The following RECK variants were observed in gnomAD, a reference collection of about 807,000 sequenced individuals.
RECK encodes reversion-inducing cysteine-rich protein with Kazal motifs.
In RECK, 69 loss-of-function variants were observed where a neutral mutation model predicts 115.1. That is an observed-to-expected ratio of 0.60 (90% CI 0.49 to 0.73). RECK has a LOEUF of 0.73. Ranked by LOEUF, RECK falls within the 30% of genes least tolerant of loss-of-function variation. The pLI is 0.00. For synonymous variants in RECK, 414 were observed against 419.7 expected, an observed-to-expected ratio of 0.99 and a Z score of 0.17; for missense variants, 1,047 against 1,203.7, an observed-to-expected ratio of 0.87 and a Z score of 1.93.
At position 36,096,695 on chromosome 9, in the gene RECK, T is replaced by C. The variant is rs529772874; in HGVS notation, c.1086-3636T>C. 3.3e-5 allele frequency among the ~76,000 whole-genome samples: 5 copies of C among 152,256 alleles called. No homozygotes were observed. The South Asian group carries it at 1.0e-3, about 32-fold the overall frequency. Reference sequence around the variant, plus strand: ...ACTGCTTCCAGATGGATCATAGAACTAAACATAAAAACTAAAAATTTAAAG... The same window carrying C: ...ACTGCTTCCAGATGGATCATAGAACCAAACATAAAAACTAAAAATTTAAAG... On this transcript the variant is annotated intron_variant, in intron 10 of 20. Transcript: ENST00000377966.
intron 2 of RECK, among the ~76,000 whole-genome samples, chr9:36,058,462 T>C (rs1298120294): frequency 1.7e-5 from 2 of 114,974 alleles, no homozygotes; most frequent in Admixed American, 1.1e-4. Context: ...TGAGAACACA[T>C]GGACACAGGA....
intron 8 of RECK, among the ~76,000 whole-genome samples, chr9:36,086,632 T>C (rs985586424): frequency 2.6e-5 from 4 of 152,082 alleles, no homozygotes; most frequent in African/African-American, 9.7e-5. Flanking sequence ...CCCGCCCACA[T>C]CTGCTGATTG....
At position 36,094,574 on chromosome 9, in the gene RECK, A is replaced by C. The variant is rs1178146936; in HGVS notation, c.1085+3231A>C. Among the ~76,000 whole-genome samples, 1 of 152,204 alleles carries C rather than the reference A, an allele frequency of 6.6e-6. No homozygotes were observed. Among genetic ancestry groups the C allele is most frequent in the East Asian group, 1.9e-4 (1 of 5,206 alleles). The stretch of plus-strand genomic sequence containing the variant: ...AAGGAGACAAATTGAAAACCACAGC[A>C]AAATGATAGAGACTTAAACCCAACT... On this transcript the variant is annotated intron_variant, in intron 10 of 20. Coordinates refer to ENST00000377966, the MANE Select transcript of RECK (RefSeq NM_021111.3). This position sits in a 1 kb window ranked among gnomAD's most constrained non-coding sequence, Gnocchi z 4.1.
chr9:36,077,548 G>A (rs1829484530), intron 6 of RECK, among the ~76,000 whole-genome samples: 3 of 152,124 alleles, frequency 2.0e-5, no homozygotes, highest in Admixed American at 1.3e-4. Flanking sequence ...CTGGAATGAA[G>A]GAACATTCTT....
At chr9:36,112,505 A>T (rs1186930516) in intron 16 of RECK, 29 bp downstream of exon 16, 1 of 1,604,600 alleles carries the variant, frequency 6.2e-7, no homozygotes, top group African/African-American at 1.3e-5. Flanking sequence ...TATTTTATTC[A>T]ACTGAAGACT....
chr9:36,060,453 A>G (rs1251983231), intron 4 of RECK, among the ~76,000 whole-genome samples: 1 of 152,082 alleles, frequency 6.6e-6, no homozygotes, highest in Non-Finnish European at 1.5e-5. Flanking sequence ...TCATTCACTC[A>G]GTCCTTAACT....
Position 36,120,660 on chromosome 9 carries a change from C to G in RECK, c.2465-3C>G. ...CGCACATAAAATGGTTTCTGTTATACAGGTGCTTGTTGCCCATTATGTGCT... is the reference window on the plus strand; with the variant it reads ...CGCACATAAAATGGTTTCTGTTATAGAGGTGCTTGTTGCCCATTATGTGCT... On this transcript the variant is annotated splice_polypyrimidine_tract_variant and splice_region_variant and intron_variant, in intron 18 of 20. Coordinates refer to ENST00000377966, the MANE Select transcript of RECK (RefSeq NM_021111.3). 6.2e-7 allele frequency: 1 copy of G among 1,609,846 alleles called. No homozygotes were observed. The highest frequency in any genetic ancestry group is 8.5e-7 in the Non-Finnish European group (1 of 1,176,292).
At position 36,100,523 on chromosome 9, in the gene RECK, T is replaced by C; in HGVS notation, c.1278T>C (p.Ser426=). 6.2e-7 allele frequency: 1 copy of C among 1,613,736 alleles called. No homozygotes were observed. The highest frequency in any genetic ancestry group is 8.5e-7 in the Non-Finnish European group (1 of 1,179,734). Residue 426 remains serine, a synonymous_variant, in exon 11 of 21, where the codon TCT becomes TCC. Coordinates refer to ENST00000377966, the MANE Select transcript of RECK (RefSeq NM_021111.3). Reference sequence around the variant, plus strand: ...AGATTAAACCTTGTCATAGTAAATCTCGGGGAAGTATTATTTGCAAGTAAG... The same window carrying C: ...AGATTAAACCTTGTCATAGTAAATCCCGGGGAAGTATTATTTGCAAGTAAG... ...SLQIKPCHSK[S]RGSIICKSDC... is the part of the protein sequence containing the mutation.
intron 12 of RECK, among the ~76,000 whole-genome samples, chr9:36,102,709 A>G (rs1476291071): frequency 6.6e-6 from 1 of 151,932 alleles, no homozygotes; most frequent in Non-Finnish European, 1.5e-5. Context: ...TAATCCCAGC[A>G]CTCTGAGAAG....
At chr9:36,096,680 G>T (rs1393718123) in intron 10 of RECK, among the ~76,000 whole-genome samples, 1 of 152,180 alleles carries the variant, frequency 6.6e-6, no homozygotes, top group Non-Finnish European at 1.5e-5. Context: ...ACTGCTTCCA[G>T]ATGGATCATA....
At chr9:36,073,198 C>T (rs1822302424) in intron 6 of RECK, among the ~76,000 whole-genome samples, 1 of 149,436 alleles carries the variant, frequency 6.7e-6, no homozygotes, top group Non-Finnish European at 1.5e-5. Context: ...TCCCTCCCTT[C>T]CACCCCTAAA....
At chr9:36,121,770 C>T (rs1302230243) in intron 20 of RECK, 82 bp downstream of exon 20, 14 of 1,439,478 alleles carry the variant, frequency 9.7e-6, no homozygotes, top group African/African-American at 5.6e-5. Flanking sequence ...AAACTAGGAC[C>T]GAGGAAGGAT....
intron 12 of RECK, among the ~76,000 whole-genome samples, 173 bp downstream of exon 12, chr9:36,102,403 G>A (rs1823597205): frequency 6.6e-6 from 1 of 152,158 alleles, no homozygotes; most frequent in Admixed American, 6.5e-5. Flanking sequence ...GGAAAGAATT[G>A]TTGTTTTAAA....
intron 10 of RECK, among the ~76,000 whole-genome samples, chr9:36,097,908 A>G (rs552469038): frequency 1.3e-5 from 2 of 152,214 alleles, no homozygotes; most frequent in African/African-American, 2.4e-5. Context: ...AGGACACTAA[A>G]TAAAATAAGC....
At position 36,117,088 on chromosome 9, in the gene RECK, C is replaced by A. The variant is rs753434880; in HGVS notation, c.2164C>A (p.Pro722Thr). The A allele has an allele frequency of 3.7e-6, 6 of 1,614,136 alleles. No individual in the cohort carries two copies. In the South Asian group the frequency reaches 6.6e-5, roughly 18 times the overall value. The change falls in exon 17 of 21, where the codon CCT (proline) becomes ACT (threonine). Residue 722 changes from proline (P) to threonine (T), a missense_variant. By Grantham distance (38) the Pro-to-Thr change is conservative. Coordinates refer to ENST00000377966, the MANE Select transcript of RECK (RefSeq NM_021111.3). ...GCTCGCGTGTGACCAGGTCCAAGATCCTGTTTGTGACACAGACCACATGGA... is the reference window on the plus strand; with the variant it reads ...GCTCGCGTGTGACCAGGTCCAAGATACTGTTTGTGACACAGACCACATGGA... The part of the protein sequence containing the change: ...RQLACDQVQD[P>T]VCDTDHMEHN...
intron 16 of RECK, 108 bp downstream of exon 16, chr9:36,112,584 G>C (rs1169635695): frequency 8.5e-7 from 1 of 1,182,318 alleles, no homozygotes; most frequent in Non-Finnish European, 1.2e-6. Context: ...AATCGCTGCT[G>C]CCCTGAAGAG....
rs138437525 is a variant in RECK, at chr9:36,119,989, C to T, written c.2465-674C>T. The stretch of plus-strand genomic sequence containing the variant: ...GTGGCTCACGCCTGTAATCCCAGCA[C>T]TTTGGGAGGCCGAGGCAGGCGGATC... On this transcript the variant is annotated intron_variant, in intron 18 of 20. Coordinates refer to ENST00000377966, the MANE Select transcript of RECK (RefSeq NM_021111.3). 9.2e-3 allele frequency among the ~76,000 whole-genome samples: 1,407 copies of T among 152,274 alleles called. 13 individuals are homozygous for T. The highest frequency in any genetic ancestry group is 0.032 in the African/African-American group (1,340 of 41,556).
At chr9:36,038,816 A>C (rs1449194970) in intron 1 of RECK, among the ~76,000 whole-genome samples, 8 of 151,976 alleles carry the variant, frequency 5.3e-5, no homozygotes, top group African/African-American at 9.7e-5. Flanking sequence ...CAAACAACAA[A>C]AAAAAAAACA....
chr9:36,112,457 C>T lies in RECK; in HGVS notation c.2041C>T (p.Pro681Ser), dbSNP rs927929324. 1 of 1,613,976 alleles carries T rather than the reference C, an allele frequency of 6.2e-7. No individual in the cohort carries two copies. Among genetic ancestry groups the T allele is most frequent in the Admixed American group, 1.7e-5 (1 of 60,018 alleles). Reference sequence around the variant, plus strand: ...GTCAAAGGATCCATGTAATCCTAATCCCTGCCAAAAAAACCAAAGGTAAGT... The same window carrying T: ...GTCAAAGGATCCATGTAATCCTAATTCCTGCCAAAAAAACCAAAGGTAAGT... ...CMSKDPCNPN[P>S]CQKNQRCIPK... is the part of the protein sequence containing the mutation. Residue 681 changes from proline (P) to serine (S), a missense_variant, in exon 16 of 21, where the codon CCC (proline) becomes TCC (serine). Coordinates refer to ENST00000377966, the MANE Select transcript of RECK (RefSeq NM_021111.3).
Sources: allele counts gnomAD v4.1 joint callset (sites outside exome capture counted in the v4.1 genomes callset), GRCh38; gene constraint gnomAD v4.1.1; non-coding constraint Gnocchi (gnomAD v3.1); transcripts MANE v1.5; gene names NCBI Gene and HGNC (gene_info 2026-07-23, HGNC 2026-07-21).